Variants in ZNF385D observed in about 807,000 individuals in gnomAD.
ZNF385D encodes the protein zinc finger protein 385D.
Under a neutral mutation model 35.8 loss-of-function variants are expected in ZNF385D, and 15 were observed. The observed-to-expected ratio is 0.42, with a 90% confidence interval of 0.28 to 0.64. ZNF385D has a LOEUF of 0.64. Among genes scored for constraint, ZNF385D ranks in the 30% least tolerant of loss-of-function variants. ZNF385D has a pLI of 0.23. For synonymous variants in ZNF385D, 212 were observed against 186.8 expected, an observed-to-expected ratio of 1.13 and a Z score of -1.10; for missense variants, 474 against 494.6, an observed-to-expected ratio of 0.96 and a Z score of 0.39.
chr3:21,810,421 T>A (rs1000405197), intron 3 of ZNF385D, among the ~76,000 whole-genome samples: 4 of 152,056 alleles, frequency 2.6e-5, no homozygotes, highest in Non-Finnish European at 5.9e-5. Context: ...AAACCTAATG[T>A]AAATGACTAG....
At chr3:21,425,005 G>A (rs1413257926) in intron 6 of ZNF385D, among the ~76,000 whole-genome samples, 1 of 152,112 alleles carries the variant, frequency 6.6e-6, no homozygotes, top group Non-Finnish European at 1.5e-5. Context: ...CATTCCTATT[G>A]CAGGTGGCTG....
intron 3 of ZNF385D, among the ~76,000 whole-genome samples, chr3:21,545,493 G>A (rs2062339479): frequency 1.3e-5 from 2 of 152,126 alleles, no homozygotes; most frequent in East Asian, 1.9e-4. Flanking sequence ...AATAAATAAG[G>A]TATACACTCC....
At chr3:22,175,123 C>A (rs1449065115) in intron 2 of ZNF385D, among the ~76,000 whole-genome samples, 1 of 151,760 alleles carries the variant, frequency 6.6e-6, no homozygotes, top group African/African-American at 2.4e-5. Flanking sequence ...ATGATATATA[C>A]AAATCCTAAT....
rs11380195 is a variant in ZNF385D, at chr3:22,019,034, C to CTTTTTTTTTTTTTTTTTTTTTTTT, written c.325+149759_325+149782dup. Among the ~76,000 whole-genome samples, 15 of 64,460 alleles carry CTTTTTTTTTTTTTTTTTTTTTTTT rather than the reference C, an allele frequency of 2.3e-4. 2 individuals carry two copies. Among genetic ancestry groups the CTTTTTTTTTTTTTTTTTTTTTTTT allele is most frequent in the Admixed American group, 3.4e-4 (2 of 5,894 alleles). 42.3% of individuals were successfully genotyped at this position (64,460 alleles called of 152,430 possible). On this transcript the variant is annotated intron_variant, in intron 3 of 5. Coordinates refer to the ZNF385D transcript ENST00000494108. ...CAGTTTCATGGATAGAGTTATTTAC[C>CTTTTTTTTTTTTTTTTTTTTTTTT]TTTTTTTTTTTTTTTTTTTTTTTTT...
intron 2 of ZNF385D, among the ~76,000 whole-genome samples, chr3:21,638,053 A>T (rs2065497144): frequency 6.6e-6 from 1 of 152,154 alleles, no homozygotes; most frequent in South Asian, 2.1e-4. Context: ...TAAAAATAAA[A>T]TAATACTGGT....
At chr3:22,066,826 G>T (rs1006293279) in intron 3 of ZNF385D, among the ~76,000 whole-genome samples, 1 of 152,104 alleles carries the variant, frequency 6.6e-6, no homozygotes, top group Non-Finnish European at 1.5e-5. Flanking sequence ...ACATGAAAAA[G>T]AAATTGAAAA....
chr3:21,653,522 T>C (rs1481723638), intron 2 of ZNF385D, among the ~76,000 whole-genome samples: 1 of 152,124 alleles, frequency 6.6e-6, no homozygotes, highest in Non-Finnish European at 1.5e-5. Context: ...CATAGGTATA[T>C]ATACACAATA....
chr3:22,168,406 G>C (rs1706473312), intron 3 of ZNF385D: 1 of 152,054 alleles, frequency 6.6e-6, no homozygotes, highest in South Asian at 2.1e-4. Context: ...TATTTGAAAA[G>C]ATATGCATTA....
intron 2 of ZNF385D, among the ~76,000 whole-genome samples, chr3:22,172,713 T>G (rs530809008): frequency 6.6e-6 from 1 of 152,234 alleles, no homozygotes; most frequent in Admixed American, 6.5e-5. Context: ...TGAGCAATAA[T>G]CAAAGCAACA....
At chr3:22,332,815 C>A (rs867921188) in intron 2 of ZNF385D, among the ~76,000 whole-genome samples, 2 of 151,888 alleles carry the variant, frequency 1.3e-5, no homozygotes, top group Admixed American at 6.6e-5. Flanking sequence ...TGGAAATAAA[C>A]CAGCCTATGA....
intron 2 of ZNF385D, among the ~76,000 whole-genome samples, chr3:22,237,535 T>G (rs552141339): frequency 1.2e-4 from 18 of 152,338 alleles, no homozygotes; most frequent in African/African-American, 4.3e-4. Flanking sequence ...TGTTATTTTG[T>G]TGCCTTTGCT....
intron 2 of ZNF385D, among the ~76,000 whole-genome samples, chr3:22,207,353 C>G (rs1223064332): frequency 6.6e-6 from 1 of 151,842 alleles, no homozygotes; most frequent in Non-Finnish European, 1.5e-5. Context: ...AGCACAATAT[C>G]ATCAGTAAAT....
intron 3 of ZNF385D, among the ~76,000 whole-genome samples, chr3:21,877,200 T>C (rs2125856991): frequency 6.6e-6 from 1 of 152,164 alleles, no homozygotes; most frequent in African/African-American, 2.4e-5. Context: ...ACTCTTTCTG[T>C]TTGCATAGGA....
intron 3 of ZNF385D, among the ~76,000 whole-genome samples, chr3:21,977,751 G>C (rs116788249): frequency 2.6e-5 from 4 of 151,982 alleles, no homozygotes; most frequent in African/African-American, 9.7e-5. Context: ...CAAGAGGATC[G>C]CTTGAGCCCA....
At chr3:21,428,299 A>T (rs1701116911) in intron 5 of ZNF385D, among the ~76,000 whole-genome samples, 1 of 152,056 alleles carries the variant, frequency 6.6e-6, no homozygotes, top group African/African-American at 2.4e-5. Context: ...CTACCCTATG[A>T]GCTGGGTGCT....
chr3:21,811,691 TATCAA>T (rs1279148186), intron 3 of ZNF385D, among the ~76,000 whole-genome samples: 1 of 152,194 alleles, frequency 6.6e-6, no homozygotes. Flanking sequence ...ATAAAATCAT[TATCAA>T]ATCAAACACT....
chr3:21,903,844 A>T (rs1429089166), intron 3 of ZNF385D, among the ~76,000 whole-genome samples: 1 of 152,144 alleles, frequency 6.6e-6, no homozygotes, highest in Non-Finnish European at 1.5e-5. Context: ...ACTGGGGGTG[A>T]TAATTAAAGA....
intron 1 of ZNF385D, among the ~76,000 whole-genome samples, chr3:21,690,483 A>G (rs181261972): frequency 9.8e-4 from 150 of 152,320 alleles, no homozygotes; most frequent in African/African-American, 3.5e-3. Context: ...GCATAAGCTG[A>G]GCCCCACCCA....
Position 21,636,984 on chromosome 3 carries a change from A to T in ZNF385D, c.165+27902T>A, listed in dbSNP as rs145708060. Reference sequence around the variant, plus strand: ...GTTGTTGTTAATTTGAGTTTCTTATAGATTCTGGATATTAGTCCTTTGTCA... The same window carrying T: ...GTTGTTGTTAATTTGAGTTTCTTATTGATTCTGGATATTAGTCCTTTGTCA... On this transcript the variant is annotated intron_variant, in intron 2 of 7. Coordinates refer to ENST00000281523, the MANE Select transcript of ZNF385D (RefSeq NM_024697.3). 9.7e-3 allele frequency among the ~76,000 whole-genome samples: 1,467 copies of T among 151,934 alleles called. 21 individuals carry two copies. The highest frequency in any genetic ancestry group is 0.032 in the African/African-American group (1,319 of 41,412).
Sources: gnomAD v4.1 joint callset for allele counts (sites outside exome capture counted in the v4.1 genomes callset) on GRCh38, gnomAD v4.1.1 for gene constraint, MANE v1.5 for transcripts, NCBI Gene and HGNC (gene_info 2026-07-23, HGNC 2026-07-21) for gene names.